ANGPT1: variants seen among roughly 807,000 people sequenced by gnomAD.
The protein encoded by ANGPT1 is angiopoietin 1, also known as angiopoietin-1.
A neutral mutation model predicts 62.2 loss-of-function variants in ANGPT1; 17 were observed. The observed-to-expected ratio is 0.27, with a 90% CI of 0.19 to 0.41. The LOEUF is 0.41. Among genes scored for constraint, ANGPT1 ranks in the 10% least tolerant of loss-of-function variants. The pLI, the probability that ANGPT1 is intolerant of heterozygous loss-of-function variation, is 1.00. For missense variants in ANGPT1, 478 were observed against 594.9 expected, an observed-to-expected ratio of 0.80 and a Z score of 2.04; for synonymous variants, 199 against 198.9, an observed-to-expected ratio of 1.00 and a Z score of 0.00.
At chr8:107,471,394 G>C (rs190450751) in intron 1 of ANGPT1, among the ~76,000 whole-genome samples, 1 of 152,088 alleles carries the variant, frequency 6.6e-6, no homozygotes, top group Non-Finnish European at 1.5e-5. Context: ...TCACACACTG[G>C]GGCCTGTCAG....
rs796912564 is a variant in ANGPT1 at position 107,370,384 on chromosome 8, G to GAAA, written c.298-23290_298-23288dup. Among the ~76,000 whole-genome samples, 9 of 55,662 alleles carry GAAA rather than the reference G, an allele frequency of 1.6e-4. 3 individuals carry two copies. Among genetic ancestry groups the GAAA allele is most frequent in the African/African-American group, 2.7e-4 (6 of 22,524 alleles). 36.5% of individuals were successfully genotyped at this position (55,662 alleles called of 152,430 possible). ...AGAAAGAAAGAAAGAAAGAAAGAAA[G>GAAA]AAAGAAAGAAAGAAAGAAAGAAAGA... On this transcript the variant is annotated intron_variant, in intron 1 of 8. Transcript: ENST00000517746.
intron 1 of ANGPT1, among the ~76,000 whole-genome samples, chr8:107,451,902 A>C (rs1003241857): frequency 6.6e-6 from 1 of 151,898 alleles, no homozygotes; most frequent in Non-Finnish European, 1.5e-5. Context: ...AGCAATTTTA[A>C]AGGACTATTA....
At chr8:107,447,458 A>G (rs1387319612) in intron 1 of ANGPT1, among the ~76,000 whole-genome samples, 1 of 152,212 alleles carries the variant, frequency 6.6e-6, no homozygotes, top group Non-Finnish European at 1.5e-5. Flanking sequence ...AGCATGAACA[A>G]ATGTATTTCT....
chr8:107,394,424 G>T (rs1047388323), intron 1 of ANGPT1, among the ~76,000 whole-genome samples: 4 of 152,160 alleles, frequency 2.6e-5, no homozygotes, highest in Admixed American at 6.5e-5. Context: ...CAGACAGAAG[G>T]CCAGGAGGTT....
intron 5 of ANGPT1, among the ~76,000 whole-genome samples, chr8:107,299,420 T>TAA (rs71303453): frequency 1.7e-5 from 2 of 120,414 alleles, no homozygotes; most frequent in Admixed American, 8.8e-5. Flanking sequence ...TATATATATA[T>TAA]AAACATACAT....
Position 107,375,321 on chromosome 8 carries a change from G to A in ANGPT1, c.298-28224C>T, listed in dbSNP as rs115702292. ...GTTAGTATTTTTTTAAAAAAGAAAT[G>A]CTTAAATCCTTCTTTTGTCCAGCAA... is the stretch of plus-strand genomic sequence containing the variant. On this transcript the variant is annotated intron_variant, in intron 1 of 8. Coordinates refer to ENST00000517746, the MANE Select transcript of ANGPT1 (RefSeq NM_001146.5). Among the ~76,000 whole-genome samples the A allele has an allele frequency of 7.8e-3, 1,180 of 152,222 alleles. 20 individuals are homozygous for A. The highest frequency in any genetic ancestry group is 0.027 in the African/African-American group (1,111 of 41,542).
chr8:107,454,774 T>C (rs1811872046), intron 1 of ANGPT1, among the ~76,000 whole-genome samples: 1 of 152,080 alleles, frequency 6.6e-6, no homozygotes, highest in Non-Finnish European at 1.5e-5. Flanking sequence ...AGTATTTATT[T>C]CCCTGTCCTT....
At chr8:107,260,904 T>A (rs1050865901) in intron 8 of ANGPT1, among the ~76,000 whole-genome samples, 1 of 152,174 alleles carries the variant, frequency 6.6e-6, no homozygotes, top group Non-Finnish European at 1.5e-5. Flanking sequence ...AATAAAATCA[T>A]AAATCTGAGC....
chr8:107,436,569 C>T (rs947885111), intron 1 of ANGPT1, among the ~76,000 whole-genome samples: 14 of 152,166 alleles, frequency 9.2e-5, no homozygotes, highest in African/African-American at 2.4e-4. Context: ...CAACCTTCTG[C>T]GGATCTATTT....
intron 3 of ANGPT1, among the ~76,000 whole-genome samples, chr8:107,332,185 G>A (rs1306025896): frequency 6.6e-6 from 1 of 152,108 alleles, no homozygotes; most frequent in Non-Finnish European, 1.5e-5. Flanking sequence ...TACATTTTGT[G>A]TCCTACTTTG....
intron 1 of ANGPT1, among the ~76,000 whole-genome samples, chr8:107,459,240 T>C (rs1052521737): frequency 2.0e-5 from 3 of 152,022 alleles, no homozygotes; most frequent in African/African-American, 7.2e-5. Flanking sequence ...AAATTTTCAG[T>C]CAATAAAACA....
intron 1 of ANGPT1, among the ~76,000 whole-genome samples, chr8:107,432,424 G>C (rs535620771): frequency 5.2e-4 from 79 of 152,262 alleles, no homozygotes; most frequent in African/African-American, 1.9e-3. Flanking sequence ...CAGCACTTTG[G>C]GAGGCCAAGG....
intron 4 of ANGPT1, among the ~76,000 whole-genome samples, chr8:107,318,592 C>T (rs904983072): frequency 1.3e-5 from 2 of 152,088 alleles, no homozygotes; most frequent in Non-Finnish European, 1.5e-5. Context: ...AGAAGCTATG[C>T]GTTTTATACT....
intron 8 of ANGPT1, among the ~76,000 whole-genome samples, chr8:107,258,894 G>A (rs533978263): frequency 6.6e-6 from 1 of 152,224 alleles, no homozygotes; most frequent in South Asian, 2.1e-4. Context: ...ATTTTCACCA[G>A]AATAATTTGT....
chr8:107,403,308 T>C (rs1230164824), intron 1 of ANGPT1, among the ~76,000 whole-genome samples: 1 of 152,116 alleles, frequency 6.6e-6, no homozygotes, highest in Non-Finnish European at 1.5e-5. Context: ...GGAACTTTGT[T>C]ATTTGCGATG....
chr8:107,378,242 T>C (rs2130264149), intron 1 of ANGPT1, among the ~76,000 whole-genome samples: 1 of 152,308 alleles, frequency 6.6e-6, no homozygotes, highest in South Asian at 2.1e-4. Context: ...ATGATTATTG[T>C]TACTTTAGGA....
At chr8:107,427,275 A>C (rs1453443525) in intron 1 of ANGPT1, among the ~76,000 whole-genome samples, 1 of 152,122 alleles carries the variant, frequency 6.6e-6, no homozygotes, top group Non-Finnish European at 1.5e-5. Flanking sequence ...CCAGGGCTGA[A>C]TTTTGTTTCA....
chr8:107,443,404 A>G (rs1013441659), intron 1 of ANGPT1, among the ~76,000 whole-genome samples: 4 of 152,200 alleles, frequency 2.6e-5, no homozygotes, highest in Non-Finnish European at 5.9e-5. Flanking sequence ...TAGGAGATTG[A>G]GCTAAGTCAT....
chr8:107,431,244 G>A (rs568354328), intron 1 of ANGPT1, among the ~76,000 whole-genome samples: 5 of 152,294 alleles, frequency 3.3e-5, no homozygotes, highest in African/African-American at 1.2e-4. Flanking sequence ...ATTAGAAAAT[G>A]TAAGCATAAA....
Sources: allele counts gnomAD v4.1 joint callset (sites outside exome capture counted in the v4.1 genomes callset), GRCh38; gene constraint gnomAD v4.1.1; transcripts MANE v1.5; gene names NCBI Gene and HGNC (gene_info 2026-07-23, HGNC 2026-07-21).